The following TEX9 variants were observed in gnomAD, a reference collection of about 807,000 sequenced individuals.
TEX9 encodes testis-expressed protein 9.
Under a neutral mutation model 59.6 loss-of-function variants are expected in TEX9, and 74 were observed. The observed-to-expected ratio is 1.24, with a 90% CI of 1.03 to 1.51. The LOEUF is 1.51. TEX9 is among the 40% of genes most tolerant of loss of function. The probability of loss-of-function intolerance (pLI) is 0.00; values close to 1 mark genes in which losing one functional copy is unlikely to be tolerated. For missense variants in TEX9, 522 were observed against 447.8 expected, an observed-to-expected ratio of 1.17 and a Z score of -1.49; for synonymous variants, 186 against 152.2, an observed-to-expected ratio of 1.22 and a Z score of -1.64.
At chr15:56,367,163 T>C (rs901762911) in intron 2 of TEX9, among the ~76,000 whole-genome samples, 7 of 152,170 alleles carry the variant, frequency 4.6e-5, no homozygotes, top group Admixed American at 6.5e-5. Flanking sequence ...ACGAGTTACT[T>C]TATAAAACGA....
At position 56,351,510 on chromosome 15, in the gene TEX9, A is replaced by G. The variant is rs578059237; in HGVS notation, c.-106-21931A>G. 6.6e-5 allele frequency among the ~76,000 whole-genome samples: 10 copies of G among 152,318 alleles called. No individual in the cohort carries two copies. The South Asian group carries it at 2.1e-3, about 32-fold the overall frequency. On this transcript the variant is annotated intron_variant, in intron 1 of 5. Coordinates refer to the TEX9 transcript ENST00000560827. ...ACATGCAGAGGACTGAAACCACCCAAGAGCTCGAGTGCAGCCAGTGTGGCA... is the reference window on the plus strand; with the variant it reads ...ACATGCAGAGGACTGAAACCACCCAGGAGCTCGAGTGCAGCCAGTGTGGCA...
intron 3 of TEX9, among the ~76,000 whole-genome samples, chr15:56,377,570 T>C (rs765209750): frequency 1.7e-4 from 26 of 152,318 alleles, no homozygotes; most frequent in Middle Eastern, 3.4e-3. Context: ...GACACACTAC[T>C]GATTTTTGTA....
At chr15:56,318,290 GTCTATTTCA>G (rs1169911371) in intron 1 of TEX9, among the ~76,000 whole-genome samples, 1 of 151,942 alleles carries the variant, frequency 6.6e-6, no homozygotes, top group East Asian at 1.9e-4. Flanking sequence ...TTGCTTTGAC[GTCTATTTCA>G]TCTGATATAA....
intron 1 of TEX9, among the ~76,000 whole-genome samples, chr15:56,316,124 A>T (rs2045753258): frequency 6.8e-6 from 1 of 146,096 alleles, no homozygotes; most frequent in African/African-American, 2.5e-5. Context: ...GAGTAATTTG[A>T]TCGTCTGAAG....
rs190412185 is a variant in TEX9, at chr15:56,317,024, G to A, written c.-106-56417G>A. On this transcript the variant is annotated intron_variant, in intron 1 of 5. Coordinates refer to the TEX9 transcript ENST00000560827. ...CTGCTTCTGCTCGCGCAGGGTGCGCGCACCCACTGACCTGCGCCCACTGTC... is the reference window on the plus strand; with the variant it reads ...CTGCTTCTGCTCGCGCAGGGTGCGCACACCCACTGACCTGCGCCCACTGTC... Among the ~76,000 whole-genome samples, 580 of 152,250 alleles carry A rather than the reference G, an allele frequency of 3.8e-3. 3 individuals are homozygous for A. The highest frequency in any genetic ancestry group is 0.012 in the South Asian group (57 of 4,822).
chr15:56,285,072 T>C (rs757989489), intron 1 of TEX9, among the ~76,000 whole-genome samples: 3 of 152,184 alleles, frequency 2.0e-5, no homozygotes, highest in Non-Finnish European at 4.4e-5. Flanking sequence ...TCATTTAAAC[T>C]CACCCATATT....
intron 1 of TEX9, among the ~76,000 whole-genome samples, chr15:56,297,794 C>T (rs975575821): frequency 7.2e-5 from 11 of 152,228 alleles, no homozygotes; most frequent in African/African-American, 2.7e-4. Flanking sequence ...CGTGAGCCAC[C>T]GTGCCTGGCC....
At chr15:56,248,629 A>G (rs1431907216) in intron 1 of TEX9, among the ~76,000 whole-genome samples, 2 of 152,208 alleles carry the variant, frequency 1.3e-5, no homozygotes, top group Non-Finnish European at 2.9e-5. Flanking sequence ...GTAACTTTCA[A>G]TTCTTTTACA....
At chr15:56,332,748 A>C (rs1438568390) in intron 1 of TEX9, among the ~76,000 whole-genome samples, 1 of 152,122 alleles carries the variant, frequency 6.6e-6, no homozygotes, top group Admixed American at 6.5e-5. Flanking sequence ...TTGGTTTTTG[A>C]AAAGAAAAAA....
intron 1 of TEX9, among the ~76,000 whole-genome samples, chr15:56,263,477 T>C (rs76798601): frequency 0.018 from 2,795 of 152,348 alleles, 83 homozygotes; most frequent in African/African-American, 0.063. Context: ...TTCTTTTTCC[T>C]TTCCTAATTT....
intron 1 of TEX9, among the ~76,000 whole-genome samples, chr15:56,270,001 G>A (rs369704178): frequency 3.3e-4 from 50 of 152,130 alleles, no homozygotes; most frequent in Non-Finnish European, 2.9e-4. Flanking sequence ...TTGCACTGTG[G>A]TCTGAGAGAC....
At chr15:56,347,624 A>C (rs545935813) in intron 1 of TEX9, among the ~76,000 whole-genome samples, 2 of 151,940 alleles carry the variant, frequency 1.3e-5, no homozygotes, top group East Asian at 3.9e-4. Flanking sequence ...TTCAAATTGG[A>C]CTGCAGACTT....
At chr15:56,364,781 A>G (rs750175215), upstream of TEX9, among the ~76,000 whole-genome samples, 35 of 152,146 alleles carry the variant, frequency 2.3e-4, no homozygotes, top group Admixed American at 4.6e-4. Context: ...TTGGATGTCA[A>G]TTTTATTCCA....
chr15:56,269,259 C>T (rs1355086223), intron 1 of TEX9, among the ~76,000 whole-genome samples: 2 of 151,268 alleles, frequency 1.3e-5, no homozygotes, highest in Non-Finnish European at 3.0e-5. Flanking sequence ...TTTTGTTGAT[C>T]TCAAAAAACC....
intron 1 of TEX9, among the ~76,000 whole-genome samples, chr15:56,304,506 T>A (rs1226674063): frequency 2.0e-5 from 3 of 152,200 alleles, no homozygotes; most frequent in Non-Finnish European, 4.4e-5. Context: ...GATTATATGG[T>A]TTTTGTCCTT....
At chr15:56,370,203 C>G (rs1370748650) in intron 2 of TEX9, among the ~76,000 whole-genome samples, 6 of 151,928 alleles carry the variant, frequency 3.9e-5, no homozygotes, top group Non-Finnish European at 1.5e-5. Context: ...TTCATTATGT[C>G]TTTATTTTTA....
intron 3 of TEX9, chr15:56,374,070 T>C (rs1487763409): frequency 6.6e-6 from 1 of 151,760 alleles, no homozygotes; most frequent in Non-Finnish European, 1.5e-5. Flanking sequence ...TTACTAAAAA[T>C]ATTTATAATT....
chr15:56,263,135 T>C (rs1016045353), intron 1 of TEX9, among the ~76,000 whole-genome samples: 8 of 152,160 alleles, frequency 5.3e-5, no homozygotes, highest in African/African-American at 1.4e-4. Flanking sequence ...GCGATTCTCC[T>C]GCCTCAGCCT....
intron 10 of TEX9, among the ~76,000 whole-genome samples, chr15:56,414,503 G>A (rs1487844467): frequency 2.6e-5 from 4 of 151,678 alleles, no homozygotes; most frequent in East Asian, 1.9e-4. Flanking sequence ...ATTCGGTTTT[G>A]TGTTCCTACA....
Sources: allele counts gnomAD v4.1 joint callset (sites outside exome capture counted in the v4.1 genomes callset), GRCh38; gene constraint gnomAD v4.1.1; transcripts MANE v1.5; gene names NCBI Gene and HGNC (gene_info 2026-07-23, HGNC 2026-07-21).